TECPR2: variants seen among roughly 807,000 people sequenced by gnomAD.
The protein encoded by TECPR2 is tectonin beta-propeller repeat-containing protein 2.
TECPR2 carries 65 observed loss-of-function variants against 138.1 expected under a neutral mutation model. That is an observed-to-expected ratio of 0.47 (90% CI 0.39 to 0.58). The LOEUF (loss-of-function observed/expected upper bound fraction) is 0.58. TECPR2 is among the 20% of genes least tolerant of loss of function. The pLI is 0.00. For synonymous variants in TECPR2, 746 were observed against 749.8 expected, an observed-to-expected ratio of 0.99 and a Z score of 0.08; for missense variants, 1,553 against 1,824.5, an observed-to-expected ratio of 0.85 and a Z score of 2.71.
At chr14:102,429,476 T>TCAA (rs1255256378) in intron 7 of TECPR2, among the ~76,000 whole-genome samples, 3 of 152,232 alleles carry the variant, frequency 2.0e-5, no homozygotes, top group Non-Finnish European at 2.9e-5. Context: ...CATTTTTTGG[T>TCAA]AATTCATACA....
rs1357585232 is a variant in TECPR2, at chr14:102,465,305, CT to C, written c.3789+17del. ...ACCTGTCCAGGTAAGCAGAAGTTAG[CT>C]GGTGGAACTCACTCTTCAGTAAGAC... On this transcript the variant is annotated intron_variant, in intron 17 of 19. Transcript: ENST00000359520. 3 of 1,611,654 alleles carry C rather than the reference CT, an allele frequency of 1.9e-6. No individual in the cohort carries two copies. The South Asian group carries it at 3.3e-5, about 18-fold the overall frequency.
Position 102,428,243 on chromosome 14 carries a change from T to TTTTTG in TECPR2, c.952-6_952-5insTTTGT. ...TTTTGTTTTTTTTTTTTTTTTTTTTTTGACAGGCCACAGTTGCTGGTTTGG... is the reference window on the plus strand; with the variant it reads ...TTTTGTTTTTTTTTTTTTTTTTTTTTTTTTGTGACAGGCCACAGTTGCTGGTTTGG... On this transcript the variant is annotated splice_polypyrimidine_tract_variant and splice_region_variant and intron_variant, in intron 6 of 19. Transcript: ENST00000359520. 2 of 1,445,848 alleles carry TTTTTG rather than the reference T, an allele frequency of 1.4e-6. No homozygotes were observed. Among genetic ancestry groups the TTTTTG allele is most frequent in the Non-Finnish European group, 1.8e-6 (2 of 1,089,106 alleles). 89.6% of individuals were successfully genotyped at this position (1,445,848 alleles called of 1,614,324 possible).
chr14:102,442,699 C>T (rs912362460), intron 11 of TECPR2, among the ~76,000 whole-genome samples: 4 of 152,164 alleles, frequency 2.6e-5, no homozygotes, highest in African/African-American at 4.8e-5. Context: ...GAAGTCCTGC[C>T]GGTGATTCCC....
chr14:102,494,564 C>T (rs1401630595), intron 17 of TECPR2, among the ~76,000 whole-genome samples: 4 of 151,582 alleles, frequency 2.6e-5, no homozygotes, highest in Non-Finnish European at 2.9e-5. Context: ...CGGTGGCTCA[C>T]GCCTGTAATC....
At chr14:102,493,641 C>A (rs144376554) in intron 17 of TECPR2, among the ~76,000 whole-genome samples, 1 of 152,304 alleles carries the variant, frequency 6.6e-6, no homozygotes, top group Non-Finnish European at 1.5e-5. Flanking sequence ...TGGGGACTTG[C>A]CTTGAGTGCG....
intron 2 of TECPR2, among the ~76,000 whole-genome samples, chr14:102,377,913 T>C (rs1887684850): frequency 6.6e-6 from 1 of 152,210 alleles, no homozygotes; most frequent in Non-Finnish European, 1.5e-5. Flanking sequence ...AATATGCACC[T>C]CTTAGCTGAG....
chr14:102,465,239 A>T lies in TECPR2; in HGVS notation c.3739A>T (p.Asn1247Tyr). The T allele has an allele frequency of 6.2e-7, 1 of 1,614,078 alleles. No individual in the cohort carries two copies. The highest frequency in any genetic ancestry group is 8.5e-7 in the Non-Finnish European group (1 of 1,179,998). ...CTTCCGTGTAGGGACTCAGCCTCTC[A>T]ATCCCAGTCTCATGCTTCCAGCCTG... ...VYFRVGTQPL[N>Y]PSLMLPAWIM... is the part of the protein sequence containing the mutation. The change falls in exon 17 of 20, where the codon AAT (asparagine) becomes TAT (tyrosine). Residue 1247 changes from asparagine (N) to tyrosine (Y), a missense_variant. Transcript: ENST00000359520.
chr14:102,439,337 C>T (rs557703836), intron 10 of TECPR2, among the ~76,000 whole-genome samples: 14 of 152,220 alleles, frequency 9.2e-5, no homozygotes, highest in African/African-American at 3.4e-4. Flanking sequence ...CACTGTGTTT[C>T]GGGATGAATT....
chr14:102,476,636 AGAG>A (rs1890770965), intron 17 of TECPR2, among the ~76,000 whole-genome samples: 1 of 152,200 alleles, frequency 6.6e-6, no homozygotes, highest in Non-Finnish European at 1.5e-5. Context: ...CCAAGTCTTA[AGAG>A]GGAAGAAGGG....
At position 102,411,698 on chromosome 14, in the gene TECPR2, T is replaced by TAAAAAAAAAAAAAAAA. The variant is rs1219515960; in HGVS notation, c.481-2938_481-2937insAAAAAAAAAAAAAAAA. On this transcript the variant is annotated intron_variant, in intron 4 of 19. Transcript: ENST00000359520. ...CAGGTGAAATAAACAGCCATGTTGC[T>TAAAAAAAAAAAAAAAA]CAAAAAAAAAAAAAAAAAAAAAAAA... Among the ~76,000 whole-genome samples, 95 of 9,672 alleles carry TAAAAAAAAAAAAAAAA rather than the reference T, an allele frequency of 9.8e-3. 2 individuals carry two copies. The highest frequency in any genetic ancestry group is 0.014 in the Non-Finnish European group (73 of 5,236). 6.3% of individuals were successfully genotyped at this position (9,672 alleles called of 152,430 possible). A position where few individuals can be genotyped will look rare whatever the true frequency, so the allele number is the denominator to read the frequency against.
intron 2 of TECPR2, among the ~76,000 whole-genome samples, chr14:102,406,544 C>CAAA (rs913610828): frequency 6.8e-6 from 1 of 146,874 alleles, no homozygotes; most frequent in Non-Finnish European, 1.5e-5. Flanking sequence ...GATTCCATCT[C>CAAA]AAAAAAAAAT....
chr14:102,373,937 C>T (rs897612004), intron 1 of TECPR2, among the ~76,000 whole-genome samples: 21 of 151,696 alleles, frequency 1.4e-4, no homozygotes, highest in African/African-American at 4.3e-4. Flanking sequence ...AAAAATTATC[C>T]GGGCTTGGTG....
chr14:102,444,177 T>C (rs1164529851), intron 12 of TECPR2, among the ~76,000 whole-genome samples: 4 of 150,864 alleles, frequency 2.7e-5, no homozygotes, highest in Admixed American at 6.6e-5. Context: ...CTAATCGAAG[T>C]TGATCTCTGA....
Position 102,438,279 on chromosome 14 carries a change from A to G in TECPR2, c.2578+74A>G, listed in dbSNP as rs1198858430. ...CCTGCTCCCCGCCCCCGGGGTGCAG[A>G]CATCTTAGTACAGGGCTCCCCTGCA... On this transcript the variant is annotated intron_variant, in intron 10 of 19. Transcript: ENST00000359520. 6.0e-6 allele frequency: 9 copies of G among 1,501,420 alleles called. No individual in the cohort carries two copies. The Admixed American group carries it at 1.5e-4, about 25-fold the overall frequency. 93.0% of individuals were successfully genotyped at this position (1,501,420 alleles called of 1,614,324 possible).
At chr14:102,431,732 T>C in intron 7 of TECPR2, 64 bp from the exon 8 acceptor site, 2 of 1,450,562 alleles carry the variant, frequency 1.4e-6, no homozygotes, top group Non-Finnish European at 1.8e-6. Flanking sequence ...CTAGCAAACG[T>C]GGATAAGTGC....
chr14:102,425,367 G>A (rs1889289644), intron 6 of TECPR2, 76 bp downstream of exon 6: 1 of 1,446,176 alleles, frequency 6.9e-7, no homozygotes, highest in African/African-American at 1.4e-5. Flanking sequence ...TTCTACTCAG[G>A]GACCTCAGAA....
rs1567367548 is a variant in TECPR2, at chr14:102,499,181, GGAGGGTGCATGGGGC to G, written c.*926_*940del. The G allele has an allele frequency of 4.3e-6, 3 of 702,912 alleles. 1 individual carries two copies. In the South Asian group the frequency reaches 4.4e-5, roughly 10 times the overall value. 43.5% of individuals were successfully genotyped at this position (702,912 alleles called of 1,614,324 possible). On this transcript the variant is annotated 3_prime_UTR_variant, in exon 20 of 20. Coordinates refer to ENST00000359520, the MANE Select transcript of TECPR2 (RefSeq NM_014844.5). Reference sequence around the variant, plus strand: ...GTGTGTCCCAGGTAGGGACGGCACAGGAGGGTGCATGGGGCGTGGGGGAGCTGAGCAAGGGTCGCT... The same window carrying G: ...GTGTGTCCCAGGTAGGGACGGCACAGGTGGGGGAGCTGAGCAAGGGTCGCT...
chr14:102,443,534 TAAAAG>T lies in TECPR2; in HGVS notation c.2753-110_2753-106del. 9.6e-7 allele frequency: 1 copy of T among 1,046,598 alleles called. No individual in the cohort carries two copies. The highest frequency in any genetic ancestry group is 3.0e-5 in the East Asian group (1 of 33,278). 64.8% of individuals were successfully genotyped at this position (1,046,598 alleles called of 1,614,324 possible). A position where few individuals can be genotyped will look rare whatever the true frequency, so the allele number is the denominator to read the frequency against. On this transcript the variant is annotated intron_variant, in intron 11 of 19. Transcript: ENST00000359520. The surrounding 1 kb of genome is among the most constrained non-coding windows in gnomAD (Gnocchi z 4.9). ...AAGTTTTTTTTTAAAGCACTCATCA[TAAAAG>T]AATATAGCAAAATACCAAAAAAGGA...
intron 5 of TECPR2, 37 bp downstream of exon 5, chr14:102,414,830 T>C: frequency 6.2e-7 from 1 of 1,609,030 alleles, no homozygotes; most frequent in Non-Finnish European, 8.5e-7. Context: ...GCCTAAATGC[T>C]GGGCCTTGTT....
Sources: gnomAD v4.1 joint callset for allele counts (sites outside exome capture counted in the v4.1 genomes callset) on GRCh38, gnomAD v4.1.1 for gene constraint, Gnocchi (gnomAD v3.1) non-coding constraint, MANE v1.5 for transcripts, NCBI Gene and HGNC (gene_info 2026-07-23, HGNC 2026-07-21) for gene names.